Variants in DYNLT2 observed in about 807,000 individuals in gnomAD.
DYNLT2 encodes dynein light chain Tctex-type protein 2.
In DYNLT2, 24 loss-of-function variants were observed where a neutral mutation model predicts 24.3. The observed-to-expected ratio is 0.99, with a 90% CI of 0.71 to 1.39. DYNLT2 has a LOEUF of 1.39. Among genes scored for constraint, DYNLT2 ranks in the 40% most tolerant of loss-of-function variants. DYNLT2 has a pLI of 0.00. For missense variants in DYNLT2, 246 were observed against 234.5 expected, an observed-to-expected ratio of 1.05 and a Z score of -0.32; for synonymous variants, 85 against 85.4, an observed-to-expected ratio of 1.00 and a Z score of 0.03.
the DYNLT2 span, among the ~76,000 whole-genome samples, chr6:169,728,257 G>A: frequency 6.6e-6 from 1 of 152,246 alleles, no homozygotes; most frequent in Non-Finnish European, 1.5e-5. Context: ...GGAAATTTGA[G>A]GGCTATAAAT....
chr6:169,727,994 C>T, the DYNLT2 span, among the ~76,000 whole-genome samples: 1 of 152,114 alleles, frequency 6.6e-6, no homozygotes, highest in Non-Finnish European at 1.5e-5. Flanking sequence ...AGCAGGAAAG[C>T]AAAGTTTCCA....
chr6:169,751,547 C>G lies in DYNLT2; in HGVS notation c.-89G>C. 2 of 1,610,568 alleles carry G rather than the reference C, an allele frequency of 1.2e-6. No individual in the cohort carries two copies. Among genetic ancestry groups the G allele is most frequent in the Non-Finnish European group, 8.5e-7 (1 of 1,178,826 alleles). The stretch of plus-strand genomic sequence containing the variant: ...CAGTCCCGCGAGGGCGGAAGTCTCC[C>G]ACCTGCGCCTCGTACGGTAGGAAGT... On this transcript the variant is annotated 5_prime_UTR_variant, in exon 1 of 4. Coordinates refer to ENST00000366774, the MANE Select transcript of DYNLT2 (RefSeq NM_174910.3).
chr6:169,751,505 C>A lies in DYNLT2; in HGVS notation c.-47G>T, dbSNP rs756714957. The stretch of plus-strand genomic sequence containing the variant: ...CCCACCGCCTCCCCTTCACCGCCGG[C>A]GGTCAAACGCCCTAGCCAGTCCCGC... On this transcript the variant is annotated 5_prime_UTR_variant, in exon 1 of 4. Transcript: ENST00000366774. 1.9e-6 allele frequency: 3 copies of A among 1,610,576 alleles called. No homozygotes were observed. Among genetic ancestry groups the A allele is most frequent in the Admixed American group, 1.7e-5 (1 of 59,740 alleles).
the DYNLT2 span, among the ~76,000 whole-genome samples, chr6:169,731,480 C>G: frequency 2.0e-5 from 3 of 152,158 alleles, no homozygotes; most frequent in African/African-American, 7.2e-5. Context: ...GGTTTTCTCC[C>G]TGCCTCATTC....
At chr6:169,739,547 T>A (rs1046277530), downstream of DYNLT2, among the ~76,000 whole-genome samples, 1 of 152,112 alleles carries the variant, frequency 6.6e-6, no homozygotes, top group Non-Finnish European at 1.5e-5. Flanking sequence ...GGAAATAAAA[T>A]TTTCCTCATT....
At chr6:169,726,149 C>G in the DYNLT2 span, among the ~76,000 whole-genome samples, 2 of 152,160 alleles carry the variant, frequency 1.3e-5, no homozygotes, top group African/African-American at 4.8e-5. Context: ...CTGGAGTCAA[C>G]AAATAACTGA....
intron 1 of DYNLT2, chr6:169,750,516 G>T (rs1162014662): frequency 2.0e-5 from 3 of 152,046 alleles, no homozygotes; most frequent in Non-Finnish European, 2.9e-5. Flanking sequence ...ATGTTTTAGG[G>T]TCTTCAAAAA....
rs373714328 is a variant in DYNLT2, at chr6:169,740,180, A to G, written c.*5T>C. ...AAGTAAACAATCCTTAGTACCTGTA[A>G]TGAGCTATTCATAATAAAGGGCAAA... On this transcript the variant is annotated 3_prime_UTR_variant, in exon 4 of 4. Coordinates refer to ENST00000366774, the MANE Select transcript of DYNLT2 (RefSeq NM_174910.3). 2 of 1,587,424 alleles carry G rather than the reference A, an allele frequency of 1.3e-6. No homozygotes were observed. Among genetic ancestry groups the G allele is most frequent in the Middle Eastern group, 1.7e-4 (1 of 6,050 alleles).
downstream of DYNLT2, among the ~76,000 whole-genome samples, chr6:169,736,130 G>A (rs1054152389): frequency 9.7e-5 from 13 of 133,390 alleles, no homozygotes; most frequent in South Asian, 2.5e-4. Flanking sequence ...TTGTTGTTTC[G>A]TTTTTTTGTT....
intron 3 of DYNLT2, among the ~76,000 whole-genome samples, chr6:169,742,166 T>G (rs148839975): frequency 4.3e-3 from 651 of 152,370 alleles, no homozygotes; most frequent in African/African-American, 0.015. Flanking sequence ...CCTTGCTGTT[T>G]ATTGAGGGCT....
chr6:169,735,464 C>T (rs988507963), downstream of DYNLT2, among the ~76,000 whole-genome samples: 4 of 152,148 alleles, frequency 2.6e-5, no homozygotes, highest in African/African-American at 4.8e-5. Flanking sequence ...AGCTGTGTCC[C>T]AGAGATTCTG....
chr6:169,745,738 T>A (rs944115140), intron 1 of DYNLT2, among the ~76,000 whole-genome samples: 6 of 152,230 alleles, frequency 3.9e-5, no homozygotes, highest in Non-Finnish European at 8.8e-5. Context: ...AATTTGCTTT[T>A]TTTGTAGCAT....
chr6:169,747,963 A>G (rs894409894), intron 1 of DYNLT2, among the ~76,000 whole-genome samples: 2 of 152,132 alleles, frequency 1.3e-5, no homozygotes, highest in Non-Finnish European at 2.9e-5. Context: ...TTGCTTCTCA[A>G]CCTTGATAAG....
At chr6:169,734,732 T>C in the DYNLT2 span, among the ~76,000 whole-genome samples, 2 of 152,232 alleles carry the variant, frequency 1.3e-5, no homozygotes, top group Non-Finnish European at 2.9e-5. Context: ...ATCAGGGATA[T>C]TGGCCTGAAG....
chr6:169,751,222 G>T, intron 1 of DYNLT2, 117 bp downstream of exon 1: 1 of 1,439,860 alleles, frequency 6.9e-7, no homozygotes, highest in Non-Finnish European at 9.3e-7. Context: ...AACACAAAAG[G>T]GAGATGCTGC....
Position 169,747,209 on chromosome 6 carries a change from C to T in DYNLT2, c.121-2935G>A, listed in dbSNP as rs570534995. 3.9e-5 allele frequency among the ~76,000 whole-genome samples: 6 copies of T among 151,992 alleles called. No homozygotes were observed. In the South Asian group the frequency reaches 6.2e-4, roughly 16 times the overall value. ...ATTTTGTCTGTTTCTATGTGTGTAA[C>T]GTTCCTTTGTTCTAGTTGCCTTTAA... On this transcript the variant is annotated intron_variant, in intron 1 of 3. Coordinates refer to ENST00000366774, the MANE Select transcript of DYNLT2 (RefSeq NM_174910.3).
chr6:169,745,398 A>G (rs1018924661), intron 1 of DYNLT2, among the ~76,000 whole-genome samples: 3 of 152,190 alleles, frequency 2.0e-5, no homozygotes, highest in African/African-American at 7.2e-5. Context: ...CACTGCACCC[A>G]GCATTTGCTG....
At chr6:169,747,499 T>TC (rs959474846) in intron 1 of DYNLT2, among the ~76,000 whole-genome samples, 7 of 152,004 alleles carry the variant, frequency 4.6e-5, no homozygotes, top group Non-Finnish European at 7.4e-5. Flanking sequence ...TTTTTCAGCA[T>TC]CCCCCCCAAT....
intron 1 of DYNLT2, among the ~76,000 whole-genome samples, chr6:169,746,086 T>C (rs528234843): frequency 6.6e-6 from 1 of 152,336 alleles, no homozygotes; most frequent in African/African-American, 2.4e-5. Context: ...TTTCATTATA[T>C]TTATAGTGTT....
Sources: allele counts gnomAD v4.1 joint callset (sites outside exome capture counted in the v4.1 genomes callset), GRCh38; gene constraint gnomAD v4.1.1; transcripts MANE v1.5; gene names NCBI Gene and HGNC (gene_info 2026-07-23, HGNC 2026-07-21).